The following TACR3 variants were observed in gnomAD, a reference collection of about 807,000 sequenced individuals.
TACR3 encodes tachykinin receptor 3, also known as neuromedin-K receptor.
A neutral mutation model predicts 35.0 loss-of-function variants in TACR3; 34 were observed. That is an observed-to-expected ratio of 0.97 (90% confidence interval 0.74 to 1.30). The LOEUF is 1.30. TACR3 is among the 50% of genes most tolerant of loss of function. The pLI is 0.00. For synonymous variants in TACR3, 233 were observed against 221.1 expected (o/e 1.05, Z -0.48); for missense variants, 558 against 591.7 (o/e 0.94, Z 0.59).
At chr4:103,697,549 G>A (rs747619454) in intron 1 of TACR3, among the ~76,000 whole-genome samples, 10 of 151,486 alleles carry the variant, frequency 6.6e-5, no homozygotes, top group Admixed American at 1.3e-4. Flanking sequence ...CTCAGCCTCC[G>A]GAGTAACTGG....
At chr4:103,647,397 A>G (rs1725486109) in intron 3 of TACR3, among the ~76,000 whole-genome samples, 1 of 151,936 alleles carries the variant, frequency 6.6e-6, no homozygotes, top group African/African-American at 2.4e-5. Context: ...TCAAATTGGA[A>G]TGTAAGCATT....
chr4:103,644,885 T>C lies in TACR3; in HGVS notation c.888+11309A>G, dbSNP rs115497656. On this transcript the variant is annotated intron_variant, in intron 3 of 4. Transcript: ENST00000304883. ...AATGTGTCCTGAAAATGTGGAAATG[T>C]GTCCTGAAAATGTAGAAATGAGAGA... Among the ~76,000 whole-genome samples, 504 of 151,900 alleles carry C rather than the reference T, an allele frequency of 3.3e-3. 1 individual carries two copies. Among genetic ancestry groups the C allele is most frequent in the Middle Eastern group, 0.017 (5 of 294 alleles).
At chr4:103,629,681 G>C (rs1437435446) in intron 3 of TACR3, among the ~76,000 whole-genome samples, 2 of 151,910 alleles carry the variant, frequency 1.3e-5, no homozygotes, top group Non-Finnish European at 2.9e-5. Context: ...CTCATGGGTA[G>C]GAAGAATTAA....
chr4:103,668,420 C>T (rs1484919355), intron 1 of TACR3, among the ~76,000 whole-genome samples: 1 of 152,110 alleles, frequency 6.6e-6, no homozygotes, highest in Non-Finnish European at 1.5e-5. Context: ...AGATTCTTGC[C>T]TCAATATTGG....
chr4:103,661,036 A>G (rs1725829737), intron 1 of TACR3, among the ~76,000 whole-genome samples: 1 of 152,062 alleles, frequency 6.6e-6, no homozygotes, highest in Admixed American at 6.6e-5. Flanking sequence ...ATAATAAGAG[A>G]AGAGCTAGAA....
intron 1 of TACR3, among the ~76,000 whole-genome samples, chr4:103,710,997 T>C (rs536868585): frequency 6.6e-6 from 1 of 152,092 alleles, no homozygotes; most frequent in African/African-American, 2.4e-5. Context: ...GAGGCAATAA[T>C]TAATTGCCTA....
At chr4:103,713,116 C>CA (rs1723006947) in intron 1 of TACR3, among the ~76,000 whole-genome samples, 1 of 152,104 alleles carries the variant, frequency 6.6e-6, no homozygotes, top group Admixed American at 6.5e-5. Context: ...CCAGCCATCC[C>CA]ATTACTGGGT....
chr4:103,639,723 A>G (rs1725305226), intron 3 of TACR3, among the ~76,000 whole-genome samples: 1 of 152,060 alleles, frequency 6.6e-6, no homozygotes, highest in Non-Finnish European at 1.5e-5. Flanking sequence ...CATTCTCTAG[A>G]ATCAGACTTT....
intron 3 of TACR3, 56 bp from the exon 4 acceptor site, chr4:103,591,739 G>C: frequency 6.7e-7 from 1 of 1,487,152 alleles, no homozygotes; most frequent in African/African-American, 1.4e-5. Flanking sequence ...AGTTCCAATA[G>C]CTTATTGCAA....
At chr4:103,591,764 C>T (rs1164933431) in intron 3 of TACR3, 81 bp from the exon 4 acceptor site, 1 of 1,333,166 alleles carries the variant, frequency 7.5e-7, no homozygotes, top group Non-Finnish European at 1.0e-6. Context: ...TGCTTTTCTG[C>T]CAATACAGTT....
chr4:103,672,298 T>C (rs552386682), intron 1 of TACR3, among the ~76,000 whole-genome samples: 2 of 152,282 alleles, frequency 1.3e-5, no homozygotes, highest in South Asian at 4.1e-4. Flanking sequence ...CAATTTACTT[T>C]TCCCAGATCC....
intron 4 of TACR3, among the ~76,000 whole-genome samples, chr4:103,590,449 A>G (rs72943362): frequency 0.016 from 2,480 of 152,290 alleles, 53 homozygotes; most frequent in African/African-American, 0.057. Flanking sequence ...TTAATGTTAG[A>G]ATTGCTAATC....
intron 1 of TACR3, among the ~76,000 whole-genome samples, chr4:103,717,816 ATT>A (rs3839187): frequency 6.6e-6 from 1 of 151,556 alleles, no homozygotes. Flanking sequence ...CTGGAGTCTG[ATT>A]TTTTTTTCAT....
chr4:103,656,483 C>T, intron 2 of TACR3, 139 bp from the exon 3 acceptor site: 1 of 806,494 alleles, frequency 1.2e-6, no homozygotes, highest in Non-Finnish European at 2.0e-6. Flanking sequence ...TCTCAAAATT[C>T]CATCAAAATA....
chr4:103,677,963 G>A (rs1726207887), intron 1 of TACR3, among the ~76,000 whole-genome samples: 1 of 152,024 alleles, frequency 6.6e-6, no homozygotes, highest in Admixed American at 6.6e-5. Context: ...ATTCTGATAT[G>A]AGGATTAAAT....
chr4:103,694,406 G>T (rs1443760009), intron 1 of TACR3, among the ~76,000 whole-genome samples: 2 of 152,226 alleles, frequency 1.3e-5, no homozygotes. Context: ...GCCAGCCTGA[G>T]TTCCAGGTGG....
At chr4:103,718,275 T>C (rs1310160636) in intron 1 of TACR3, among the ~76,000 whole-genome samples, 5 of 152,244 alleles carry the variant, frequency 3.3e-5, no homozygotes, top group Non-Finnish European at 7.3e-5. Context: ...CCCATGCAAC[T>C]GCCTTTCACA....
chr4:103,707,968 T>C (rs1481702398), intron 1 of TACR3, among the ~76,000 whole-genome samples: 2 of 152,316 alleles, frequency 1.3e-5, no homozygotes, highest in East Asian at 1.9e-4. Context: ...GCACCCGCCA[T>C]TGCTAAGGCT....
intron 3 of TACR3, among the ~76,000 whole-genome samples, chr4:103,620,534 G>T (rs762726892): frequency 1.3e-5 from 2 of 152,144 alleles, no homozygotes; most frequent in African/African-American, 2.4e-5. Flanking sequence ...TTTAAAAAAT[G>T]CCCATATACA....
Sources: allele counts gnomAD v4.1 joint callset (sites outside exome capture counted in the v4.1 genomes callset), GRCh38; gene constraint gnomAD v4.1.1; transcripts MANE v1.5; gene names NCBI Gene and HGNC (gene_info 2026-07-23, HGNC 2026-07-21).